The following ALDH1L2 variants were observed in gnomAD, a reference collection of about 807,000 sequenced individuals.
ALDH1L2 encodes the protein mitochondrial 10-formyltetrahydrofolate dehydrogenase.
ALDH1L2 carries 91 observed loss-of-function variants against 111.0 expected under a neutral mutation model. The ratio of observed to expected loss-of-function variants is 0.82; its 90% CI spans 0.69 to 0.98. ALDH1L2 has a LOEUF of 0.98. Ranked by LOEUF, ALDH1L2 falls within the 50% of genes least tolerant of loss-of-function variation. The pLI, the probability that ALDH1L2 is intolerant of heterozygous loss-of-function variation, is 0.00. For synonymous variants in ALDH1L2, 374 were observed against 392.6 expected (o/e 0.95, Z 0.56); for missense variants, 995 against 1,126.8 (o/e 0.88, Z 1.67).
chr12:105,029,734 T>C (rs1163100547), intron 21 of ALDH1L2, among the ~76,000 whole-genome samples: 1 of 152,184 alleles, frequency 6.6e-6, no homozygotes, highest in East Asian at 1.9e-4. Flanking sequence ...AAAGCCATTC[T>C]GAAGAATTTT....
intron 5 of ALDH1L2, 42 bp from the exon 6 acceptor site, chr12:105,065,398 GAA>G: frequency 6.5e-7 from 1 of 1,532,768 alleles, no homozygotes; most frequent in South Asian, 1.1e-5. Context: ...CTATGGCTGT[GAA>G]CCTCAAAGGC....
chr12:105,065,440 G>A (rs746739145), intron 5 of ALDH1L2, 84 bp from the exon 6 acceptor site: 22 of 1,115,944 alleles, frequency 2.0e-5, no homozygotes, highest in Non-Finnish European at 2.7e-5. Context: ...ATCAGAGGCA[G>A]AAACACTTGT....
At chr12:105,033,136 T>C (rs991807622) in intron 19 of ALDH1L2, among the ~76,000 whole-genome samples, 1 of 152,206 alleles carries the variant, frequency 6.6e-6, no homozygotes, top group African/African-American at 2.4e-5. Flanking sequence ...GGTTCTGCAC[T>C]GGATGAGAAG....
intron 20 of ALDH1L2, 142 bp from the exon 21 acceptor site, chr12:105,030,571 G>A (rs1325048109): frequency 1.8e-6 from 1 of 550,532 alleles, no homozygotes; most frequent in South Asian, 4.2e-5. Context: ...TCTATTTGGT[G>A]TTGGCATGCC....
At chr12:105,033,601 C>T (rs1874820684) in intron 19 of ALDH1L2, among the ~76,000 whole-genome samples, 1 of 151,332 alleles carries the variant, frequency 6.6e-6, no homozygotes, top group Admixed American at 6.6e-5. Flanking sequence ...TAAGCAAATT[C>T]TTGATTAATA....
chr12:105,077,987 C>T (rs938144203), intron 1 of ALDH1L2, among the ~76,000 whole-genome samples: 7 of 152,168 alleles, frequency 4.6e-5, no homozygotes, highest in African/African-American at 1.2e-4. Flanking sequence ...ATGGAGCATC[C>T]GGCACAGAGT....
At chr12:105,035,651 C>T (rs1874944710) in intron 18 of ALDH1L2, among the ~76,000 whole-genome samples, 2 of 151,878 alleles carry the variant, frequency 1.3e-5, no homozygotes, top group Admixed American at 6.6e-5. Flanking sequence ...CCTCTCTAAC[C>T]CCCTCATGAA....
chr12:105,022,271 A>T lies in ALDH1L2; in HGVS notation c.*2153T>A, dbSNP rs1487387404. 1 of 152,192 alleles carries T rather than the reference A, an allele frequency of 6.6e-6. No individual in the cohort carries two copies. The highest frequency in any genetic ancestry group is 1.5e-5 in the Non-Finnish European group (1 of 68,032). The allele number at this position is 152,192 out of a possible 1,614,324, so 9.4% of individuals were successfully genotyped here. ...AAAGGAGTTCTTAATCTGGGGCCCAAGCATGGCCTTTGGGAGGTCTGTGAA... is the reference window on the plus strand; with the variant it reads ...AAAGGAGTTCTTAATCTGGGGCCCATGCATGGCCTTTGGGAGGTCTGTGAA... On this transcript the variant is annotated 3_prime_UTR_variant, in exon 23 of 23. Coordinates refer to ENST00000258494, the MANE Select transcript of ALDH1L2 (RefSeq NM_001034173.4).
Position 105,061,684 on chromosome 12 carries a change from AC to A in ALDH1L2, c.989del (p.Gly330ValfsTer6). 6.2e-7 allele frequency: 1 copy of A among 1,614,108 alleles called. No individual in the cohort carries two copies. ...MIPASQYFST[G>X]ETSVVELTAE... is the part of the protein sequence containing the mutation. Reference sequence around the variant, plus strand: ...CTGTCAGTTCTACCACTGACGTCTCACCCGTTGAAAAGTACTGAGAGGCAGG... The same window carrying A: ...CTGTCAGTTCTACCACTGACGTCTCACCGTTGAAAAGTACTGAGAGGCAGG... On this transcript the variant is annotated frameshift_variant, in exon 8 of 23. Coordinates refer to ENST00000258494, the MANE Select transcript of ALDH1L2 (RefSeq NM_001034173.4). LOFTEE classifies it high-confidence loss of function.
At chr12:105,030,249 A>G (rs941357312) in intron 21 of ALDH1L2, 75 bp downstream of exon 21, 8 of 1,070,936 alleles carry the variant, frequency 7.5e-6, no homozygotes, top group Non-Finnish European at 1.1e-5. Context: ...TATGCTGTGT[A>G]TATAGCACAG....
intron 13 of ALDH1L2, chr12:105,047,781 T>A (rs1306409448): frequency 6.6e-6 from 1 of 152,160 alleles, no homozygotes; most frequent in East Asian, 1.9e-4. Flanking sequence ...TTGTAGCCAG[T>A]TATGTTTTGG....
At position 105,026,686 on chromosome 12, in the gene ALDH1L2, C is replaced by A; in HGVS notation, c.2575G>T (p.Val859Phe). ...GCTTTGTTTATGTCTCTTGTAAAAACCCCTGAGGCCAAACCATACTCTGTA... is the reference window on the plus strand; with the variant it reads ...GCTTTGTTTATGTCTCTTGTAAAAAACCCTGAGGCCAAACCATACTCTGTA... ...NSTEYGLASG[V>F]FTRDINKAMY... The change falls in exon 22 of 23, where the codon GTT becomes TTT. Residue 859 changes from valine (V) to phenylalanine (F), a missense_variant. Coordinates refer to ENST00000258494, the MANE Select transcript of ALDH1L2 (RefSeq NM_001034173.4). 10 of 1,614,178 alleles carry A rather than the reference C, an allele frequency of 6.2e-6. No individual in the cohort carries two copies. Among genetic ancestry groups the A allele is most frequent in the Non-Finnish European group, 8.5e-6 (10 of 1,180,014 alleles).
rs568734857 is a variant in ALDH1L2, at chr12:105,020,376, C to T, written c.*4048G>A. 2.0e-5 allele frequency: 3 copies of T among 152,188 alleles called. No homozygotes were observed. The highest frequency in any genetic ancestry group is 2.1e-4 in the South Asian group (1 of 4,828). 9.4% of individuals were successfully genotyped at this position (152,188 alleles called of 1,614,324 possible). A position where few individuals can be genotyped will look rare whatever the true frequency, so the allele number is the denominator to read the frequency against. On this transcript the variant is annotated 3_prime_UTR_variant, in exon 23 of 23. Transcript: ENST00000258494. ...TAGGCATTAGGAATAAAAACTATCTCGACTTAGTTAAAACCACCAGATGCA... is the reference window on the plus strand; with the variant it reads ...TAGGCATTAGGAATAAAAACTATCTTGACTTAGTTAAAACCACCAGATGCA...
chr12:105,034,507 A>G lies in ALDH1L2; in HGVS notation c.2146-109T>C. ...GTTTTTGGAAGACAGCAGGCAATAT[A>G]GATAAGTCACAGACAATCCTCTTGG... On this transcript the variant is annotated intron_variant, in intron 18 of 22. Coordinates refer to ENST00000258494, the MANE Select transcript of ALDH1L2 (RefSeq NM_001034173.4). The G allele has an allele frequency of 6.8e-6, 6 of 881,068 alleles. No homozygotes were observed. The South Asian group carries it at 7.6e-5, about 11-fold the overall frequency. The allele number at this position is 881,068 out of a possible 1,614,324, so 54.6% of individuals were successfully genotyped here.
chr12:105,027,859 G>A (rs1329663597), intron 21 of ALDH1L2, among the ~76,000 whole-genome samples: 1 of 152,160 alleles, frequency 6.6e-6, no homozygotes, highest in African/African-American at 2.4e-5. Flanking sequence ...ATGCTATGGT[G>A]TTGCATCGTC....
intron 10 of ALDH1L2, among the ~76,000 whole-genome samples, chr12:105,055,056 GA>G (rs963407945): frequency 4.6e-5 from 7 of 152,192 alleles, no homozygotes; most frequent in Non-Finnish European, 1.0e-4. Context: ...ATATTCCTGG[GA>G]ATCCAGAAGA....
chr12:105,060,942 G>A (rs1227390179), intron 9 of ALDH1L2, 39 bp downstream of exon 9: 1 of 1,574,254 alleles, frequency 6.4e-7, no homozygotes, highest in Non-Finnish European at 8.7e-7. Flanking sequence ...AATCTCTAGT[G>A]AGGGAATCCC....
rs370881324 is a variant in ALDH1L2 at position 105,034,347 on chromosome 12, G to A, written c.2197C>T (p.Arg733Trp). 6.8e-5 allele frequency: 110 copies of A among 1,613,284 alleles called. No individual in the cohort carries two copies. The highest frequency in any genetic ancestry group is 4.9e-4 in the Middle Eastern group (3 of 6,084). ...NKGENCIAAG[R>W]LFVEESIHDE... ...TGGATGGATTCTTCCACGAACAACC[G>A]CCCAGCAGCAATACAGTTCTCTCCT... Residue 733 changes from arginine to tryptophan, a missense_variant, in exon 19 of 23, where the codon CGG (arginine) becomes TGG (tryptophan). Physicochemically the swap from Arg to Trp is moderately radical, Grantham distance 101. Transcript: ENST00000258494.
chr12:105,035,912 T>TTA (rs199968455), intron 18 of ALDH1L2, among the ~76,000 whole-genome samples: 1 of 84,510 alleles, frequency 1.2e-5, no homozygotes, highest in Non-Finnish European at 2.1e-5. Context: ...TGTATATATA[T>TTA]TATATATATA....
Sources: gnomAD v4.1 joint callset for allele counts (sites outside exome capture counted in the v4.1 genomes callset) on GRCh38, gnomAD v4.1.1 for gene constraint, MANE v1.5 for transcripts, NCBI Gene and HGNC (gene_info 2026-07-23, HGNC 2026-07-21) for gene names.